Variants in COLEC10 observed in about 807,000 individuals in gnomAD.
The protein encoded by COLEC10 is collectin subfamily member 10.
In COLEC10, 22 loss-of-function variants were observed where a neutral mutation model predicts 28.4. That is an observed-to-expected ratio of 0.78 (90% confidence interval 0.55 to 1.11). The LOEUF (loss-of-function observed/expected upper bound fraction) is 1.11, where lower values mean the gene tolerates loss of function less well. Among genes scored for constraint, COLEC10 ranks in the 50% least tolerant of loss-of-function variants. COLEC10 has a pLI of 0.00. For missense variants in COLEC10, 361 were observed against 344.1 expected, an observed-to-expected ratio of 1.05 and a Z score of -0.39; for synonymous variants, 125 against 116.1, an observed-to-expected ratio of 1.08 and a Z score of -0.49.
chr8:119,011,547 A>G (rs957111623), intron 2 of COLEC10, among the ~76,000 whole-genome samples: 2 of 150,948 alleles, frequency 1.3e-5, no homozygotes, highest in African/African-American at 4.9e-5. Flanking sequence ...GATCAAATCC[A>G]TAGATCAAGT....
At chr8:118,981,367 T>C in the COLEC10 span, among the ~76,000 whole-genome samples, 17 of 152,136 alleles carry the variant, frequency 1.1e-4, no homozygotes, top group African/African-American at 4.1e-4. Flanking sequence ...CCTATGTCTA[T>C]TTCTCAATTT....
the COLEC10 span, among the ~76,000 whole-genome samples, chr8:118,980,794 T>C: frequency 5.3e-5 from 8 of 152,100 alleles, no homozygotes; most frequent in Non-Finnish European, 1.2e-4. Flanking sequence ...AAGTTTCATT[T>C]GTAGTTTAAT....
intron 3 of COLEC10, among the ~76,000 whole-genome samples, chr8:119,093,669 C>G (rs1243702943): frequency 6.6e-6 from 1 of 152,192 alleles, no homozygotes; most frequent in Non-Finnish European, 1.5e-5. Flanking sequence ...TTTAAAGATA[C>G]TACTCCCCTA....
the COLEC10 span, among the ~76,000 whole-genome samples, chr8:118,973,767 T>C: frequency 4.6e-5 from 7 of 152,122 alleles, no homozygotes; most frequent in East Asian, 3.9e-4. Context: ...TTTTTGTTCA[T>C]GTAGCAGTTG....
In COLEC10 at chr8:119,085,660, G is replaced by A. The variant is rs543831584; in HGVS notation, c.149-4020G>A. 8.1e-5 allele frequency among the ~76,000 whole-genome samples: 10 copies of A among 123,664 alleles called. No individual in the cohort carries two copies. In the South Asian group the frequency reaches 2.3e-3, roughly 28 times the overall value. 81.1% of individuals were successfully genotyped at this position (123,664 alleles called of 152,430 possible). ...GTTGTTGCTGTTGAGATGCAGTCTCGCTCTATCACCAGGCTGGGGTGCAGT... is the reference window on the plus strand; with the variant it reads ...GTTGTTGCTGTTGAGATGCAGTCTCACTCTATCACCAGGCTGGGGTGCAGT... On this transcript the variant is annotated intron_variant, in intron 1 of 5. Transcript: ENST00000332843.
intron 2 of COLEC10, among the ~76,000 whole-genome samples, chr8:119,035,465 C>T (rs1227840799): frequency 1.3e-5 from 2 of 152,178 alleles, no homozygotes; most frequent in African/African-American, 4.8e-5. Flanking sequence ...ATGCTAATTT[C>T]CAGTGAAAAA....
the COLEC10 span, among the ~76,000 whole-genome samples, chr8:118,980,061 T>G: frequency 6.6e-6 from 1 of 152,078 alleles, no homozygotes; most frequent in Admixed American, 6.6e-5. Context: ...ACAACCTAAT[T>G]TCAGAAGTCA....
At chr8:119,104,939 A>C (rs1815908144) in intron 5 of COLEC10, among the ~76,000 whole-genome samples, 1 of 152,132 alleles carries the variant, frequency 6.6e-6, no homozygotes, top group South Asian at 2.1e-4. Context: ...GCTGACACCC[A>C]AAACATACAT....
chr8:119,043,883 G>T (rs1402274173), intron 2 of COLEC10, among the ~76,000 whole-genome samples: 1 of 152,208 alleles, frequency 6.6e-6, no homozygotes, highest in East Asian at 1.9e-4. Context: ...ACAGTTAGAA[G>T]TAGGACATGG....
At chr8:119,037,842 T>A (rs4380972) in intron 2 of COLEC10, among the ~76,000 whole-genome samples, 2 of 152,324 alleles carry the variant, frequency 1.3e-5, no homozygotes, top group East Asian at 3.9e-4. Flanking sequence ...CTGGTTGACA[T>A]TCATTCTATA....
chr8:119,065,315 C>T (rs557401173), upstream of COLEC10, among the ~76,000 whole-genome samples: 19 of 152,150 alleles, frequency 1.2e-4, no homozygotes, highest in African/African-American at 3.6e-4. Flanking sequence ...AGATCAGCAG[C>T]GGCATTAGAT....
intron 2 of COLEC10, among the ~76,000 whole-genome samples, chr8:119,034,562 T>G (rs142446779): frequency 0.044 from 6,672 of 151,992 alleles, 211 homozygotes; most frequent in East Asian, 0.16. Context: ...AATACAAAAA[T>G]TAGCCAAGTG....
At chr8:118,996,189 T>C (rs960652919) in intron 1 of COLEC10, among the ~76,000 whole-genome samples, 1 of 152,234 alleles carries the variant, frequency 6.6e-6, no homozygotes, top group Non-Finnish European at 1.5e-5. Flanking sequence ...GGGTCATCCA[T>C]GTTGTTACAC....
intron 2 of COLEC10, among the ~76,000 whole-genome samples, chr8:119,009,994 A>G (rs1813876446): frequency 6.6e-6 from 1 of 150,880 alleles, no homozygotes; most frequent in East Asian, 1.9e-4. Context: ...CATTTGCTAC[A>G]ATTTATGAAC....
chr8:119,032,773 G>A (rs2130131479), intron 2 of COLEC10, among the ~76,000 whole-genome samples: 1 of 152,266 alleles, frequency 6.6e-6, no homozygotes, highest in East Asian at 1.9e-4. Context: ...GTGCTGGCGG[G>A]CGCCTGTAGT....
chr8:119,019,075 G>A (rs1189823694), intron 2 of COLEC10, among the ~76,000 whole-genome samples: 1 of 152,106 alleles, frequency 6.6e-6, no homozygotes, highest in African/African-American at 2.4e-5. Flanking sequence ...ACAACTCCCA[G>A]AGCTCAGGAT....
intron 2 of COLEC10, among the ~76,000 whole-genome samples, chr8:119,031,282 T>C (rs961406352): frequency 4.6e-5 from 7 of 152,126 alleles, no homozygotes; most frequent in African/African-American, 1.7e-4. Flanking sequence ...AGGTATTGGG[T>C]AGACATGGAG....
At chr8:119,081,595 AC>A (rs1232053523) in intron 1 of COLEC10, among the ~76,000 whole-genome samples, 1 of 152,206 alleles carries the variant, frequency 6.6e-6, no homozygotes, top group Non-Finnish European at 1.5e-5. Context: ...GGAGGCAGGA[AC>A]TGAAAGACAT....
intron 1 of COLEC10, among the ~76,000 whole-genome samples, chr8:119,005,080 TA>T (rs1194243309): frequency 6.6e-6 from 1 of 152,234 alleles, no homozygotes; most frequent in African/African-American, 2.4e-5. Flanking sequence ...TTTCATCACA[TA>T]AAAAGATCCT....
Sources: allele counts gnomAD v4.1 joint callset (sites outside exome capture counted in the v4.1 genomes callset), GRCh38; gene constraint gnomAD v4.1.1; transcripts MANE v1.5; gene names NCBI Gene and HGNC (gene_info 2026-07-23, HGNC 2026-07-21).